The following BLM variants were observed in gnomAD, a reference collection of about 807,000 sequenced individuals.
BLM encodes the protein BLM RecQ like helicase.
In BLM, 95 loss-of-function variants were observed where a neutral mutation model predicts 135.3. The observed-to-expected ratio is 0.70, with a 90% CI of 0.59 to 0.83. The LOEUF is 0.83. Ranked by LOEUF, BLM falls within the 40% of genes least tolerant of loss-of-function variation. The pLI is 0.00. For missense variants in BLM, 1,518 were observed against 1,663.9 expected (o/e 0.91, Z 1.53); for synonymous variants, 520 against 589.2 (o/e 0.88, Z 1.70).
At chr15:90,736,182 A>G (rs1895211002) in intron 1 of BLM, among the ~76,000 whole-genome samples, 1 of 152,206 alleles carries the variant, frequency 6.6e-6, no homozygotes, top group Admixed American at 6.5e-5. Context: ...GAAGTTGGCA[A>G]TCCAGCAGAC....
intron 4 of BLM, among the ~76,000 whole-genome samples, 186 bp from the exon 5 acceptor site, chr15:90,754,625 G>C (rs556650858): frequency 6.6e-6 from 1 of 152,108 alleles, no homozygotes; most frequent in East Asian, 1.9e-4. Context: ...GTTGAAAAGG[G>C]CTCTTTCTGG....
chr15:90,815,371 T>G lies in BLM; in HGVS notation c.*92T>G, dbSNP rs1596276773. On this transcript the variant is annotated 3_prime_UTR_variant, in exon 22 of 22. Coordinates refer to ENST00000355112, the MANE Select transcript of BLM (RefSeq NM_000057.4). The surrounding 1 kb of genome is among the most constrained non-coding windows in gnomAD (Gnocchi z 4.6). ...AAGCTGTTATTCTTGTTATACCATT[T>G]GAAGTTTTTACTCGTCTCTATTAAT... 4.2e-6 allele frequency: 6 copies of G among 1,416,758 alleles called. No individual in the cohort carries two copies. In the East Asian group the frequency reaches 1.4e-4, roughly 32 times the overall value. 87.8% of individuals were successfully genotyped at this position (1,416,758 alleles called of 1,614,324 possible).
intron 1 of BLM, among the ~76,000 whole-genome samples, chr15:90,719,234 G>A (rs900068656): frequency 1.3e-5 from 2 of 152,050 alleles, no homozygotes; most frequent in African/African-American, 2.4e-5. Context: ...CTCGTGATCC[G>A]CCTGCCTCCG....
At chr15:90,786,762 A>C (rs964961778) in intron 14 of BLM, among the ~76,000 whole-genome samples, 11 of 151,336 alleles carry the variant, frequency 7.3e-5, no homozygotes, top group African/African-American at 2.4e-4. Context: ...CTATAGGCAC[A>C]TGCCACCACA....
In BLM at chr15:90,749,808, A is replaced by T. The variant is rs763776756; in HGVS notation, c.540A>T (p.Val180=). ...VTPPQSHFVR[V]STAQKSKKGK... ...CACCCCAAAGTCACTTTGTAAGAGT[A>T]AGCACTGCTCAGAAATCAAAAAAGG... Residue 180 remains valine, a synonymous_variant, in exon 3 of 22, where the codon GTA becomes GTT. Transcript: ENST00000355112. The T allele has an allele frequency of 3.1e-6, 5 of 1,605,064 alleles. No homozygotes were observed. In the African/African-American group the frequency reaches 5.4e-5, roughly 17 times the overall value.
At chr15:90,775,444 G>A (rs970334486) in intron 12 of BLM, among the ~76,000 whole-genome samples, 3 of 148,906 alleles carry the variant, frequency 2.0e-5, no homozygotes, top group African/African-American at 7.4e-5. Context: ...ATACATATAT[G>A]TTTTAAATAT....
chr15:90,814,129 G>A (rs954737355), intron 21 of BLM, among the ~76,000 whole-genome samples: 1 of 152,190 alleles, frequency 6.6e-6, no homozygotes, highest in African/African-American at 2.4e-5. Flanking sequence ...AACTGCCTTG[G>A]AGCCAGAGTT....
intron 19 of BLM, among the ~76,000 whole-genome samples, chr15:90,808,604 A>G (rs769734680): frequency 2.6e-5 from 4 of 152,278 alleles, no homozygotes; most frequent in Non-Finnish European, 4.4e-5. Flanking sequence ...ACCTCTATGC[A>G]GAGGACTCAG....
chr15:90,773,623 C>G (rs1896389976), intron 12 of BLM, among the ~76,000 whole-genome samples: 1 of 146,842 alleles, frequency 6.8e-6, no homozygotes, highest in Non-Finnish European at 1.5e-5. Flanking sequence ...CATTAGCAGT[C>G]AATTCCTACT....
chr15:90,735,286 T>A (rs1041179433), intron 1 of BLM, among the ~76,000 whole-genome samples: 5 of 144,962 alleles, frequency 3.4e-5, no homozygotes, highest in African/African-American at 1.3e-4. Context: ...AGTTAATACA[T>A]ATACCTAAGT....
chr15:90,748,816 A>G (rs945915288), intron 2 of BLM, among the ~76,000 whole-genome samples: 1 of 149,070 alleles, frequency 6.7e-6, no homozygotes, highest in Non-Finnish European at 1.5e-5. Context: ...GGAGTGCGGC[A>G]GTATAGTCTC....
Position 90,782,747 on chromosome 15 carries a change from C to G in BLM, c.2556-75C>G, listed in dbSNP as rs1896648069. 5.3e-6 allele frequency: 6 copies of G among 1,121,992 alleles called. No individual in the cohort carries two copies. In the South Asian group the frequency reaches 7.8e-5, roughly 15 times the overall value. 69.5% of individuals were successfully genotyped at this position (1,121,992 alleles called of 1,614,324 possible). The stretch of plus-strand genomic sequence containing the variant: ...CTGGGGGTTAGGATTTTAGGGGGGA[C>G]ACATGTAGTCTATAACAATACCTAA... On this transcript the variant is annotated intron_variant, in intron 12 of 21. Coordinates refer to ENST00000355112, the MANE Select transcript of BLM (RefSeq NM_000057.4).
chr15:90,787,036 CTTTTTTTTTTTTTTTT>C (rs11366266), intron 14 of BLM, among the ~76,000 whole-genome samples: 5 of 57,962 alleles, frequency 8.6e-5, no homozygotes, highest in South Asian at 6.1e-4. Flanking sequence ...TTAGGCATCT[CTTTTTTTTTTTTTTTT>C]TTTTTTTTTT....
intron 14 of BLM, among the ~76,000 whole-genome samples, chr15:90,790,016 T>G (rs1896863909): frequency 8.1e-6 from 1 of 122,782 alleles, no homozygotes; most frequent in African/African-American, 3.3e-5. Flanking sequence ...TTTTTTTTTT[T>G]TTTTTTTGGT....
intron 17 of BLM, among the ~76,000 whole-genome samples, chr15:90,803,181 T>A (rs924499603): frequency 6.9e-6 from 1 of 145,612 alleles, no homozygotes; most frequent in Non-Finnish European, 1.5e-5. Context: ...AAAAAAAAAA[T>A]GTAGATAAGT....
intron 3 of BLM, among the ~76,000 whole-genome samples, chr15:90,751,120 C>T (rs1377393997): frequency 6.6e-6 from 1 of 152,086 alleles, no homozygotes; most frequent in Non-Finnish European, 1.5e-5. Flanking sequence ...TATTTAATGT[C>T]CAAAATTGAG....
intron 2 of BLM, chr15:90,747,711 C>T: frequency 4.2e-6 from 2 of 481,330 alleles, no homozygotes; most frequent in South Asian, 5.9e-5. Flanking sequence ...AATATTTGCT[C>T]AATAAAGATT....
At chr15:90,771,953 A>G (rs1200836103) in intron 12 of BLM, among the ~76,000 whole-genome samples, 1 of 152,170 alleles carries the variant, frequency 6.6e-6, no homozygotes, top group African/African-American at 2.4e-5. Flanking sequence ...CTGGGAAAGC[A>G]AGGTTGTGGA....
At chr15:90,733,939 C>T (rs188142303) in intron 1 of BLM, among the ~76,000 whole-genome samples, 3 of 152,042 alleles carry the variant, frequency 2.0e-5, no homozygotes, top group East Asian at 1.9e-4. Context: ...TATTTTATAT[C>T]GGTTTTTATG....
Sources: gnomAD v4.1 joint callset for allele counts (sites outside exome capture counted in the v4.1 genomes callset) on GRCh38, gnomAD v4.1.1 for gene constraint, Gnocchi (gnomAD v3.1) non-coding constraint, MANE v1.5 for transcripts, NCBI Gene and HGNC (gene_info 2026-07-23, HGNC 2026-07-21) for gene names.